The following LAMA2 variants were observed in gnomAD, a reference collection of about 807,000 sequenced individuals.
The protein encoded by LAMA2 is laminin subunit alpha-2.
Under a neutral mutation model 364.8 loss-of-function variants are expected in LAMA2, and 269 were observed. That is an observed-to-expected ratio of 0.74 (90% CI 0.67 to 0.82). LAMA2 has a LOEUF of 0.82. LAMA2 is among the 40% of genes least tolerant of loss of function. The pLI, the probability that LAMA2 is intolerant of heterozygous loss-of-function variation, is 0.00. For missense variants in LAMA2, 3,807 were observed against 3,873.2 expected (o/e 0.98, Z 0.45); for synonymous variants, 1,379 against 1,370.6 (o/e 1.01, Z -0.14).
intron 35 of LAMA2, among the ~76,000 whole-genome samples, chr6:129,385,527 TTATC>T (rs1778966447): frequency 6.6e-6 from 1 of 152,198 alleles, no homozygotes; most frequent in African/African-American, 2.4e-5. Flanking sequence ...AGACTGACAT[TTATC>T]TATTTCAGCT....
At chr6:129,230,693 G>A (rs944344434) in intron 12 of LAMA2, among the ~76,000 whole-genome samples, 3 of 152,060 alleles carry the variant, frequency 2.0e-5, no homozygotes, top group Non-Finnish European at 2.9e-5. Context: ...TTGAAGCAAG[G>A]TCAGTCAACA....
At chr6:129,081,053 C>T (rs536679536) in intron 3 of LAMA2, among the ~76,000 whole-genome samples, 14 of 152,246 alleles carry the variant, frequency 9.2e-5, no homozygotes, top group Admixed American at 8.5e-4. Flanking sequence ...CCATGGAATA[C>T]TATGTAGCCA....
At chr6:129,232,465 T>G (rs1033597892) in intron 12 of LAMA2, among the ~76,000 whole-genome samples, 3 of 152,192 alleles carry the variant, frequency 2.0e-5, no homozygotes, top group African/African-American at 7.2e-5. Context: ...GGGGCCATCC[T>G]ATATCTTAGA....
intron 32 of LAMA2, among the ~76,000 whole-genome samples, chr6:129,354,597 T>A (rs1777048670): frequency 6.6e-6 from 1 of 152,180 alleles, no homozygotes; most frequent in Non-Finnish European, 1.5e-5. Context: ...AATATATAGA[T>A]ATTCTTAATG....
At chr6:129,217,274 G>A (rs186137218) in intron 12 of LAMA2, among the ~76,000 whole-genome samples, 88 of 152,166 alleles carry the variant, frequency 5.8e-4, no homozygotes, top group African/African-American at 2.0e-3. Context: ...TCAAACCCAT[G>A]AGTTACTTTC....
intron 1 of LAMA2, among the ~76,000 whole-genome samples, chr6:128,923,663 C>T (rs1027942517): frequency 2.6e-5 from 4 of 152,116 alleles, no homozygotes; most frequent in Admixed American, 6.5e-5. Flanking sequence ...AATATCACTG[C>T]TAATTCCTAT....
intron 53 of LAMA2, among the ~76,000 whole-genome samples, chr6:129,477,634 G>A (rs1282956164): frequency 1.3e-5 from 2 of 152,048 alleles, no homozygotes; most frequent in Non-Finnish European, 2.9e-5. Context: ...AAACATTCAA[G>A]TGTAGTTTGA....
chr6:129,267,132 T>G lies in LAMA2; in HGVS notation c.2235T>G (p.Val745=). The change falls in exon 16 of 65, where the codon GTT becomes GTG. Residue 745 remains valine, a synonymous_variant. Coordinates refer to ENST00000421865, the MANE Select transcript of LAMA2 (RefSeq NM_000426.4). ...CESCWPRHRR[V]NGTIFGGICE... is the part of the protein sequence containing the mutation. ...CTTGTTGGCCTAGGCACAGGCGAGT[T>G]AACGGCACTATTTTTGGTGGCATCT... The G allele has an allele frequency of 6.2e-7, 1 of 1,613,124 alleles. No individual in the cohort carries two copies.
Position 128,922,650 on chromosome 6 carries a change from T to G in LAMA2, c.112+39293T>G, listed in dbSNP as rs1014779636. ...CAGGTTGCGAAAATTTTCTCCCATT[T>G]TGTCGGTTGCCTGTTCACTCTGCTG... is the stretch of plus-strand genomic sequence containing the variant. On this transcript the variant is annotated intron_variant, in intron 1 of 64. Coordinates refer to ENST00000421865, the MANE Select transcript of LAMA2 (RefSeq NM_000426.4). Among the ~76,000 whole-genome samples, 5 of 151,946 alleles carry G rather than the reference T, an allele frequency of 3.3e-5. 1 individual carries two copies. Among genetic ancestry groups the G allele is most frequent in the African/African-American group, 1.2e-4 (5 of 41,246 alleles).
At chr6:129,437,970 T>TTA (rs1781916486) in intron 41 of LAMA2, among the ~76,000 whole-genome samples, 1 of 151,756 alleles carries the variant, frequency 6.6e-6, no homozygotes, top group Admixed American at 6.6e-5. Context: ...GCTAGAAAAC[T>TTA]TATATATGTA....
At chr6:129,010,515 T>C (rs997444808) in intron 1 of LAMA2, among the ~76,000 whole-genome samples, 2 of 152,218 alleles carry the variant, frequency 1.3e-5, no homozygotes, top group Admixed American at 6.5e-5. Context: ...AAAACTTTCA[T>C]GATGTATTTA....
intron 1 of LAMA2, among the ~76,000 whole-genome samples, chr6:128,914,477 A>G (rs1778182224): frequency 6.6e-6 from 1 of 152,208 alleles, no homozygotes; most frequent in Admixed American, 6.5e-5. Context: ...TCTCATATAT[A>G]TGTAATACTT....
At chr6:129,048,605 T>C (rs370758392) in intron 1 of LAMA2, among the ~76,000 whole-genome samples, 3 of 528 alleles carry the variant, frequency 5.7e-3, no homozygotes, top group Non-Finnish European at 0.037. Context: ...TTCCTTCCTT[T>C]CTCTCTCTCT....
At chr6:128,900,159 C>T (rs142570106) in intron 1 of LAMA2, among the ~76,000 whole-genome samples, 2 of 152,278 alleles carry the variant, frequency 1.3e-5, no homozygotes, top group Admixed American at 6.5e-5. Flanking sequence ...TATCAGCCAG[C>T]AAAATGGTGA....
chr6:129,384,477 G>C (rs1778865713), intron 35 of LAMA2, among the ~76,000 whole-genome samples: 2 of 152,096 alleles, frequency 1.3e-5, no homozygotes, highest in Admixed American at 1.3e-4. Flanking sequence ...ATCAAACACT[G>C]GTATGAGAAT....
chr6:129,378,646 T>C (rs1778509930), intron 34 of LAMA2, among the ~76,000 whole-genome samples: 1 of 152,226 alleles, frequency 6.6e-6, no homozygotes, highest in Non-Finnish European at 1.5e-5. Flanking sequence ...ACTCCAGTTT[T>C]TCATGTATTT....
At chr6:129,134,363 G>T (rs757404008) in intron 4 of LAMA2, among the ~76,000 whole-genome samples, 1 of 152,084 alleles carries the variant, frequency 6.6e-6, no homozygotes, top group African/African-American at 2.4e-5. Context: ...GAAAACTAGG[G>T]AATAGCTTTT....
At chr6:129,408,006 T>C (rs1780333671) in intron 40 of LAMA2, among the ~76,000 whole-genome samples, 1 of 152,192 alleles carries the variant, frequency 6.6e-6, no homozygotes, top group Non-Finnish European at 1.5e-5. Flanking sequence ...GTGGTAATCT[T>C]AACTTCCAGT....
At position 129,048,536 on chromosome 6, in the gene LAMA2, C is replaced by CTTT. The variant is rs1562188011; in HGVS notation, c.113-1382_113-1381insTTT. ...TCCTTCCTTCCTTCCTTCCTTCCTT[C>CTTT]CTTCCTTTCTTTCTTTCTCTCTCTC... On this transcript the variant is annotated intron_variant, in intron 1 of 64. Transcript: ENST00000421865. 7.9e-3 allele frequency among the ~76,000 whole-genome samples: 609 copies of CTTT among 76,608 alleles called. 5 individuals are homozygous for CTTT. The highest frequency in any genetic ancestry group is 0.012 in the Middle Eastern group (2 of 164). The allele number at this position is 76,608 out of a possible 152,430, so 50.3% of individuals were successfully genotyped here.
Sources: gnomAD v4.1 joint callset for allele counts (sites outside exome capture counted in the v4.1 genomes callset) on GRCh38, gnomAD v4.1.1 for gene constraint, MANE v1.5 for transcripts, NCBI Gene and HGNC (gene_info 2026-07-23, HGNC 2026-07-21) for gene names.